The following GALNT18 variants were observed in gnomAD, a reference collection of about 807,000 sequenced individuals.
GALNT18 encodes the protein GalNAc-transferase 18.
In GALNT18, 44 loss-of-function variants were observed where a neutral mutation model predicts 69.5. That is an observed-to-expected ratio of 0.63 (90% confidence interval 0.50 to 0.81). The LOEUF (loss-of-function observed/expected upper bound fraction) is 0.81. Among genes scored for constraint, GALNT18 ranks in the 40% least tolerant of loss-of-function variants. The pLI is 0.00. For synonymous variants in GALNT18, 364 were observed against 318.2 expected, an observed-to-expected ratio of 1.14 and a Z score of -1.53; for missense variants, 715 against 810.0, an observed-to-expected ratio of 0.88 and a Z score of 1.42.
At position 11,439,458 on chromosome 11, in the gene GALNT18, A is replaced by G. The variant is rs1297426434; in HGVS notation, c.429-6671T>C. Among the ~76,000 whole-genome samples the G allele has an allele frequency of 6.6e-6, 1 of 152,176 alleles. No homozygotes were observed. The highest frequency in any genetic ancestry group is 2.4e-5 in the African/African-American group (1 of 41,436). ...GAACACGTACATAACCCAGTAGAGA[A>G]AGACCAATTCCCTTCCTGGGCTGGA... On this transcript the variant is annotated intron_variant, in intron 2 of 10. Transcript: ENST00000227756. This position sits in a 1 kb window ranked among gnomAD's most constrained non-coding sequence, Gnocchi z 4.4.
At chr11:11,344,550 G>C (rs1032551518) in intron 6 of GALNT18, among the ~76,000 whole-genome samples, 12 of 152,330 alleles carry the variant, frequency 7.9e-5, no homozygotes, top group African/African-American at 2.9e-4. Flanking sequence ...AGGGGAGGTG[G>C]GGCATCTGGG....
chr11:11,377,854 C>A lies in GALNT18; in HGVS notation c.780-475G>T, dbSNP rs781093196. Among the ~76,000 whole-genome samples the A allele has an allele frequency of 1.3e-5, 2 of 152,116 alleles. No individual in the cohort carries two copies. Among genetic ancestry groups the A allele is most frequent in the Non-Finnish European group, 2.9e-5 (2 of 68,038 alleles). On this transcript the variant is annotated intron_variant, in intron 4 of 10. Transcript: ENST00000227756. The surrounding 1 kb of genome is among the most constrained non-coding windows in gnomAD (Gnocchi z 4.6). ...AACAAACCTACATCCACCAGCCATGCGATGTTGCCCTGGAATGCCAGCTGT... is the reference window on the plus strand; with the variant it reads ...AACAAACCTACATCCACCAGCCATGAGATGTTGCCCTGGAATGCCAGCTGT...
chr11:11,610,366 A>G (rs915056969), intron 1 of GALNT18, among the ~76,000 whole-genome samples: 20 of 152,170 alleles, frequency 1.3e-4, no homozygotes, highest in African/African-American at 4.3e-4. Context: ...CAATTTCTTC[A>G]TCTGTGAAAT....
At chr11:11,416,255 A>T (rs1854854743) in intron 3 of GALNT18, among the ~76,000 whole-genome samples, 1 of 152,170 alleles carries the variant, frequency 6.6e-6, no homozygotes. Context: ...TCGTCCCTGC[A>T]TTGCTGGAAT....
rs574004657 is a variant in GALNT18, at chr11:11,356,995, G to C, written c.1092+15520C>G. The stretch of plus-strand genomic sequence containing the variant: ...TGGCTGGTGTGCTAGGGGATAACAC[G>C]CAATAGCCACGGAGCTTCCTGCTCC... On this transcript the variant is annotated intron_variant, in intron 6 of 10. Coordinates refer to ENST00000227756, the MANE Select transcript of GALNT18 (RefSeq NM_198516.3). This position sits in a 1 kb window ranked among gnomAD's most constrained non-coding sequence, Gnocchi z 4.4. Among the ~76,000 whole-genome samples, 1 of 152,092 alleles carries C rather than the reference G, an allele frequency of 6.6e-6. No individual in the cohort carries two copies. The highest frequency in any genetic ancestry group is 2.4e-5 in the African/African-American group (1 of 41,406).
chr11:11,291,157 G>A (rs1360054882), intron 10 of GALNT18, among the ~76,000 whole-genome samples: 1 of 152,114 alleles, frequency 6.6e-6, no homozygotes, highest in East Asian at 1.9e-4. Context: ...GCTTCTGCTA[G>A]GCACAGTGTC....
intron 10 of GALNT18, among the ~76,000 whole-genome samples, chr11:11,278,744 G>A (rs1467909226): frequency 6.6e-6 from 1 of 151,984 alleles, no homozygotes; most frequent in Non-Finnish European, 1.5e-5. Flanking sequence ...ATGGTTAATA[G>A]GTACAAAAAT....
intron 1 of GALNT18, among the ~76,000 whole-genome samples, chr11:11,514,082 G>A (rs4550214): frequency 0.53 from 81,175 of 151,998 alleles, 22,033 homozygotes; most frequent in East Asian, 0.83. Context: ...CAGAGAAGGG[G>A]GCTTTCTAAA....
rs1310040655 is a variant in GALNT18 at position 11,402,188 on chromosome 11, G to T, written c.596-22924C>A. On this transcript the variant is annotated intron_variant, in intron 3 of 10. Transcript: ENST00000227756. This position sits in a 1 kb window ranked among gnomAD's most constrained non-coding sequence, Gnocchi z 4.0. ...GCACCAGAAGAATCATGCAATCATG[G>T]TTTATTTTCTGTCACCTTGGGAACG... Among the ~76,000 whole-genome samples, 1 of 152,202 alleles carries T rather than the reference G, an allele frequency of 6.6e-6. No homozygotes were observed. The highest frequency in any genetic ancestry group is 1.5e-5 in the Non-Finnish European group (1 of 68,034).
chr11:11,293,531 C>CCTTTTTTT, intron 9 of GALNT18, among the ~76,000 whole-genome samples: 1 of 89,212 alleles, frequency 1.1e-5, no homozygotes, highest in African/African-American at 4.4e-5. Context: ...TTACAAACCC[C>CCTTTTTTT]TCTTTTTTTT....
rs956893795 is a variant in GALNT18, at chr11:11,338,975, C to T, written c.1278+1844G>A. 1.2e-4 allele frequency among the ~76,000 whole-genome samples: 19 copies of T among 152,076 alleles called. No individual in the cohort carries two copies. Among genetic ancestry groups the T allele is most frequent in the African/African-American group, 4.3e-4 (18 of 41,380 alleles). On this transcript the variant is annotated intron_variant, in intron 7 of 10. Coordinates refer to ENST00000227756, the MANE Select transcript of GALNT18 (RefSeq NM_198516.3). This position sits in a 1 kb window ranked among gnomAD's most constrained non-coding sequence, Gnocchi z 5.3. ...CTATAGGTTAAAGACCTTAAAATGTCCATTAAATTAAGCATTTGGGAGGCC... is the reference window on the plus strand; with the variant it reads ...CTATAGGTTAAAGACCTTAAAATGTTCATTAAATTAAGCATTTGGGAGGCC...
At position 11,584,843 on chromosome 11, in the gene GALNT18, T is replaced by C. The variant is rs891315694; in HGVS notation, c.235+36516A>G. ...ATCATAATTATTCATACTTGGGAAT[T>C]TGGTGAACTTTTCTCAAAGTCTTGT... is the stretch of plus-strand genomic sequence containing the variant. On this transcript the variant is annotated intron_variant, in intron 1 of 10. Coordinates refer to ENST00000227756, the MANE Select transcript of GALNT18 (RefSeq NM_198516.3). This position sits in a 1 kb window ranked among gnomAD's most constrained non-coding sequence, Gnocchi z 4.1. Among the ~76,000 whole-genome samples the C allele has an allele frequency of 1.3e-5, 2 of 152,202 alleles. No individual in the cohort carries two copies. Among genetic ancestry groups the C allele is most frequent in the Non-Finnish European group, 2.9e-5 (2 of 68,046 alleles).
At chr11:11,610,701 C>G (rs987826063) in intron 1 of GALNT18, among the ~76,000 whole-genome samples, 1 of 152,184 alleles carries the variant, frequency 6.6e-6, no homozygotes. Flanking sequence ...TTATACCTTC[C>G]TCCATTTACT....
chr11:11,281,138 A>T (rs1849065236), intron 10 of GALNT18, among the ~76,000 whole-genome samples: 1 of 152,134 alleles, frequency 6.6e-6, no homozygotes, highest in African/African-American at 2.4e-5. Context: ...CAGGCAGGGG[A>T]CCAAAACCAG....
At position 11,583,044 on chromosome 11, in the gene GALNT18, A is replaced by T. The variant is rs1859124274; in HGVS notation, c.235+38315T>A. On this transcript the variant is annotated intron_variant, in intron 1 of 10. Coordinates refer to ENST00000227756, the MANE Select transcript of GALNT18 (RefSeq NM_198516.3). The surrounding 1 kb of genome is among the most constrained non-coding windows in gnomAD (Gnocchi z 4.7). ...GGGACTCTAAGTCCTGCCAACACTC[A>T]ACTCAGGAAGGTCGTTCATGTGCTC... 6.6e-6 allele frequency among the ~76,000 whole-genome samples: 1 copy of T among 152,190 alleles called. No homozygotes were observed. The highest frequency in any genetic ancestry group is 2.1e-4 in the South Asian group (1 of 4,834).
chr11:11,368,189 A>G (rs1482476830), intron 6 of GALNT18, among the ~76,000 whole-genome samples: 2 of 152,230 alleles, frequency 1.3e-5, no homozygotes, highest in Non-Finnish European at 2.9e-5. Context: ...TATTCTAATT[A>G]TTATTGACTT....
intron 1 of GALNT18, among the ~76,000 whole-genome samples, chr11:11,520,319 T>C (rs919723919): frequency 6.6e-6 from 1 of 152,006 alleles, no homozygotes; most frequent in Non-Finnish European, 1.5e-5. Context: ...AGGGAGCAAA[T>C]GGTAGAGCAA....
At chr11:11,325,563 A>G (rs1469671264) in intron 9 of GALNT18, among the ~76,000 whole-genome samples, 1 of 152,232 alleles carries the variant, frequency 6.6e-6, no homozygotes, top group African/African-American at 2.4e-5. Context: ...AGAAGTCAAC[A>G]TAAGAAAATA....
rs1339667830 is a variant in GALNT18 at position 11,605,134 on chromosome 11, CAG to C, written c.235+16223_235+16224del. On this transcript the variant is annotated intron_variant, in intron 1 of 10. Coordinates refer to ENST00000227756, the MANE Select transcript of GALNT18 (RefSeq NM_198516.3). The surrounding 1 kb of genome is among the most constrained non-coding windows in gnomAD (Gnocchi z 4.7). ...TAATGGGCTGTGCTGTCCCGACAGGCAGAGTCTGAGGAGGAACTTTTACTGTG... is the reference window on the plus strand; with the variant it reads ...TAATGGGCTGTGCTGTCCCGACAGGCAGTCTGAGGAGGAACTTTTACTGTG... 6.6e-6 allele frequency among the ~76,000 whole-genome samples: 1 copy of C among 152,168 alleles called. No individual in the cohort carries two copies. Among genetic ancestry groups the C allele is most frequent in the Non-Finnish European group, 1.5e-5 (1 of 68,032 alleles).
Sources: allele counts gnomAD v4.1 joint callset (sites outside exome capture counted in the v4.1 genomes callset), GRCh38; gene constraint gnomAD v4.1.1; non-coding constraint Gnocchi (gnomAD v3.1); transcripts MANE v1.5; gene names NCBI Gene and HGNC (gene_info 2026-07-23, HGNC 2026-07-21).